DNAH6: variants seen among roughly 807,000 people sequenced by gnomAD.
DNAH6 encodes the protein dynein axonemal heavy chain 6.
In DNAH6, 340 loss-of-function variants were observed where a neutral mutation model predicts 491.4. That is an observed-to-expected ratio of 0.69 (90% CI 0.63 to 0.76). DNAH6 has a LOEUF of 0.76. Ranked by LOEUF, DNAH6 falls within the 30% of genes least tolerant of loss-of-function variation. DNAH6 has a pLI of 0.00. For missense variants in DNAH6, 4,443 were observed against 4,972.2 expected (o/e 0.89, Z 3.20); for synonymous variants, 1,603 against 1,686.1 (o/e 0.95, Z 1.21).
intron 57 of DNAH6, 142 bp from the exon 58 acceptor site, chr2:84,715,418 A>T: frequency 1.5e-6 from 1 of 674,636 alleles, no homozygotes; most frequent in Non-Finnish European, 2.5e-6. Flanking sequence ...CAGTACACCT[A>T]AAGTATGTGT....
At chr2:84,664,310 G>T (rs1012465203) in intron 37 of DNAH6, among the ~76,000 whole-genome samples, 14 of 152,078 alleles carry the variant, frequency 9.2e-5, no homozygotes, top group Non-Finnish European at 1.2e-4. Context: ...TGGCAAATTG[G>T]ATAAAGAGTC....
chr2:84,814,546 G>A (rs887493862), intron 75 of DNAH6, among the ~76,000 whole-genome samples: 6 of 152,134 alleles, frequency 3.9e-5, no homozygotes, highest in African/African-American at 1.4e-4. Flanking sequence ...TAAGAAGAGA[G>A]TGTCAACTTT....
chr2:84,560,821 G>T (rs1390928678), intron 11 of DNAH6, among the ~76,000 whole-genome samples: 1 of 151,930 alleles, frequency 6.6e-6, no homozygotes, highest in Non-Finnish European at 1.5e-5. Flanking sequence ...AGTATTCCAT[G>T]GTGTATATGT....
Position 84,688,561 on chromosome 2 carries a change from G to A in DNAH6, c.7260G>A (p.Val2420=), listed in dbSNP as rs1465154224. The part of the protein sequence containing the change: ...NLTNPKEVKL[V]FFQDAIEHVS... Reference sequence around the variant, plus strand: ...CAAATCCCAAAGAAGTAAAGTTGGTGTTCTTCCAGGATGCTATAGAACATG... The same window carrying A: ...CAAATCCCAAAGAAGTAAAGTTGGTATTCTTCCAGGATGCTATAGAACATG... The change falls in exon 45 of 77, where the codon GTG becomes GTA. Residue 2420 remains valine (V), a synonymous_variant. Coordinates refer to ENST00000389394, the MANE Select transcript of DNAH6 (RefSeq NM_001370.2). The A allele has an allele frequency of 1.3e-6, 2 of 1,544,014 alleles. No homozygotes were observed. The highest frequency in any genetic ancestry group is 1.7e-4 in the Middle Eastern group (1 of 5,972).
intron 15 of DNAH6, among the ~76,000 whole-genome samples, chr2:84,585,391 G>A (rs1241425272): frequency 2.6e-5 from 4 of 152,174 alleles, no homozygotes; most frequent in Non-Finnish European, 5.9e-5. Flanking sequence ...CATCTAGGAA[G>A]AATGAGGTAT....
chr2:84,679,396 A>T (rs957651067), intron 41 of DNAH6, among the ~76,000 whole-genome samples: 1 of 152,222 alleles, frequency 6.6e-6, no homozygotes, highest in Non-Finnish European at 1.5e-5. Flanking sequence ...ACTTACTGGA[A>T]ATTTATGTGC....
intron 32 of DNAH6, 142 bp downstream of exon 32, chr2:84,640,720 T>A: frequency 1.3e-6 from 1 of 752,956 alleles, no homozygotes; most frequent in Non-Finnish European, 2.1e-6. Flanking sequence ...ACCTTGACAC[T>A]CCATGACAGA....
the DNAH6 span, among the ~76,000 whole-genome samples, chr2:84,481,623 A>G: frequency 3.9e-5 from 6 of 152,300 alleles, no homozygotes; most frequent in South Asian, 8.3e-4. Flanking sequence ...GGAGCAACTC[A>G]TATGCTTGGC....
the DNAH6 span, among the ~76,000 whole-genome samples, chr2:84,481,195 C>A: frequency 2.1e-4 from 32 of 152,262 alleles, no homozygotes; most frequent in Non-Finnish European, 4.4e-4. Flanking sequence ...ATCCTTGAAT[C>A]TGTGTCCTGC....
intron 18 of DNAH6, among the ~76,000 whole-genome samples, chr2:84,601,996 TA>T (rs1406029850): frequency 6.6e-6 from 1 of 152,060 alleles, no homozygotes; most frequent in African/African-American, 2.4e-5. Context: ...GTAAAGACCT[TA>T]TAATAGTACA....
At chr2:84,601,117 A>G (rs1558779062) in intron 18 of DNAH6, among the ~76,000 whole-genome samples, 1 of 145,036 alleles carries the variant, frequency 6.9e-6, no homozygotes, top group South Asian at 2.1e-4. Flanking sequence ...CAGGAAATAT[A>G]CAAGATGAAC....
chr2:84,728,482 A>G (rs77468938), intron 61 of DNAH6, among the ~76,000 whole-genome samples: 1 of 152,192 alleles, frequency 6.6e-6, no homozygotes, highest in East Asian at 1.9e-4. Context: ...TAACCTCTGT[A>G]TGGTGTACTA....
chr2:84,697,460 G>C (rs964925355), intron 46 of DNAH6, 115 bp from the exon 47 acceptor site: 68 of 1,149,134 alleles, frequency 5.9e-5, no homozygotes, highest in Non-Finnish European at 7.9e-5. Flanking sequence ...AAATTTTTAA[G>C]ATTATCTTCT....
intron 63 of DNAH6, among the ~76,000 whole-genome samples, chr2:84,759,688 T>C (rs1355655942): frequency 1.3e-5 from 2 of 152,176 alleles, no homozygotes; most frequent in Admixed American, 1.3e-4. Context: ...ATGACCATAC[T>C]GTCCAGAGCA....
intron 35 of DNAH6, 22 bp from the exon 36 acceptor site, chr2:84,658,270 C>A (rs1261899509): frequency 2.7e-6 from 4 of 1,471,972 alleles, no homozygotes; most frequent in Non-Finnish European, 3.6e-6. Context: ...TCTTGCTAAA[C>A]TATCATTTGT....
At chr2:84,572,201 T>C (rs1681966000) in intron 11 of DNAH6, among the ~76,000 whole-genome samples, 2 of 152,202 alleles carry the variant, frequency 1.3e-5, no homozygotes, top group Non-Finnish European at 2.9e-5. Flanking sequence ...CACATGTCTG[T>C]AACTTTCTCC....
intron 40 of DNAH6, among the ~76,000 whole-genome samples, chr2:84,675,127 C>G (rs78164603): frequency 3.5e-4 from 54 of 152,314 alleles, no homozygotes; most frequent in Non-Finnish European, 7.1e-4. Flanking sequence ...ACCCCCATTT[C>G]CAGTGTGAGC....
At chr2:84,760,989 A>C (rs1056588876) in intron 63 of DNAH6, among the ~76,000 whole-genome samples, 10 of 152,232 alleles carry the variant, frequency 6.6e-5, no homozygotes, top group African/African-American at 2.4e-4. Context: ...AAGGAAAGGA[A>C]TCAATATATC....
At position 84,677,017 on chromosome 2, in the gene DNAH6, A is replaced by G. The variant is rs2104703722; in HGVS notation, c.6625A>G (p.Ile2209Val). 2 of 1,551,840 alleles carry G rather than the reference A, an allele frequency of 1.3e-6. No homozygotes were observed. Among genetic ancestry groups the G allele is most frequent in the Non-Finnish European group, 1.7e-6 (2 of 1,147,000 alleles). Residue 2209 changes from isoleucine (I) to valine (V), a missense_variant, in exon 41 of 77, where the codon ATA becomes GTA. Ile to Val is a conservative substitution (Grantham distance 29, BLOSUM62 3). This residue lies in a region of DNAH6 where 2,977 missense variants were observed against 3,296.6 expected (regional missense o/e 0.90). Coordinates refer to ENST00000389394, the MANE Select transcript of DNAH6 (RefSeq NM_001370.2). ...TCTCTGCACACAGGATGTAACAATC[A>G]TATCGGCATGTGCACCTCCAGGCGG... ...FWKEIQDVTI[I>V]SACAPPGGGR...
Sources: gnomAD v4.1 joint callset for allele counts (sites outside exome capture counted in the v4.1 genomes callset) on GRCh38, gnomAD v4.1.1 for gene constraint, gnomAD v4.1.1 regional missense constraint, MANE v1.5 for transcripts, NCBI Gene and HGNC (gene_info 2026-07-23, HGNC 2026-07-21) for gene names.